Variants in HECTD4 observed in about 807,000 individuals in gnomAD.
HECTD4 encodes HECT domain E3 ubiquitin protein ligase 4.
Under a neutral mutation model 471.5 loss-of-function variants are expected in HECTD4, and 114 were observed. The ratio of observed to expected loss-of-function variants is 0.24; its 90% CI spans 0.21 to 0.28. The LOEUF (loss-of-function observed/expected upper bound fraction) is 0.28, where lower values mean the gene tolerates loss of function less well. Among genes scored for constraint, HECTD4 ranks in the 10% least tolerant of loss-of-function variants. The pLI, the probability that HECTD4 is intolerant of heterozygous loss-of-function variation, is 1.00. For missense variants in HECTD4, 3,866 were observed against 5,651.5 expected, an observed-to-expected ratio of 0.68 and a Z score of 10.13; for synonymous variants, 2,012 against 2,256.0, an observed-to-expected ratio of 0.89 and a Z score of 3.07.
At chr12:112,164,320 G>C (rs766643313) in intron 72 of HECTD4, 45 bp from the exon 73 acceptor site, 15 of 1,568,822 alleles carry the variant, frequency 9.6e-6, no homozygotes, top group Non-Finnish European at 1.3e-5. Flanking sequence ...GGCCATGGGA[G>C]GTGGAACCCT....
intron 54 of HECTD4, chr12:112,201,122 C>T: frequency 2.2e-6 from 1 of 455,948 alleles, no homozygotes; most frequent in Non-Finnish European, 4.4e-6. Flanking sequence ...GAGATGGAGT[C>T]TCACCGTGTC....
At position 112,180,709 on chromosome 12, in the gene HECTD4, G is replaced by A. The variant is rs77183891; in HGVS notation, c.10988-1312C>T. ...TTCAGTATCTAAGTATGAGAAGACTGGGAAAGATAATCATGGCAGAAAGAC... is the reference window on the plus strand; with the variant it reads ...TTCAGTATCTAAGTATGAGAAGACTAGGAAAGATAATCATGGCAGAAAGAC... On this transcript the variant is annotated intron_variant, in intron 62 of 75. Coordinates refer to ENST00000682272, the MANE Select transcript of HECTD4 (RefSeq NM_001388303.1). 2.8e-3 allele frequency among the ~76,000 whole-genome samples: 429 copies of A among 152,196 alleles called. 1 individual carries two copies. The highest frequency in any genetic ancestry group is 9.6e-3 in the African/African-American group (398 of 41,534).
chr12:112,187,684 TG>T (rs1165047108), intron 60 of HECTD4, among the ~76,000 whole-genome samples: 1 of 141,166 alleles, frequency 7.1e-6, no homozygotes, highest in Non-Finnish European at 1.5e-5. Flanking sequence ...TGGAGTGCCG[TG>T]GTGCCATCTC....
intron 67 of HECTD4, among the ~76,000 whole-genome samples, chr12:112,172,114 G>A (rs1358185072): frequency 6.6e-6 from 1 of 152,128 alleles, no homozygotes; most frequent in Non-Finnish European, 1.5e-5. Context: ...TGTTGGTCAG[G>A]CTAGTCTCAA....
intron 29 of HECTD4, among the ~76,000 whole-genome samples, chr12:112,245,679 G>A (rs116753868): frequency 0.012 from 1,871 of 152,332 alleles, 43 homozygotes; most frequent in African/African-American, 0.043. Context: ...GGGCAATGGG[G>A]CTACGTAACA....
chr12:112,238,868 T>A (rs1042060261), intron 34 of HECTD4, among the ~76,000 whole-genome samples, 184 bp downstream of exon 34: 1 of 152,214 alleles, frequency 6.6e-6, no homozygotes, highest in Non-Finnish European at 1.5e-5. Flanking sequence ...CTCATCGTAA[T>A]GCTGTAAGTT....
intron 1 of HECTD4, among the ~76,000 whole-genome samples, chr12:112,347,552 T>C (rs1401108447): frequency 1.3e-5 from 2 of 152,066 alleles, no homozygotes; most frequent in Non-Finnish European, 2.9e-5. Flanking sequence ...GACTCCCGGA[T>C]TGGGAAGAAC....
At chr12:112,316,544 T>C (rs889788093) in intron 2 of HECTD4, among the ~76,000 whole-genome samples, 1 of 151,778 alleles carries the variant, frequency 6.6e-6, no homozygotes, top group Non-Finnish European at 1.5e-5. Context: ...AAGTGAGCAA[T>C]AAGGTTTTGC....
chr12:112,218,940 GC>G (rs1681909517), intron 45 of HECTD4, among the ~76,000 whole-genome samples: 1 of 152,050 alleles, frequency 6.6e-6, no homozygotes, highest in South Asian at 2.1e-4. Context: ...CAACATGTTG[GC>G]CAGGCTGGTC....
intron 44 of HECTD4, among the ~76,000 whole-genome samples, chr12:112,220,478 G>A (rs560200539): frequency 2.6e-5 from 4 of 152,136 alleles, no homozygotes; most frequent in Admixed American, 2.0e-4. Flanking sequence ...CATCCAGAAA[G>A]GCTTAATGAA....
At chr12:112,320,340 T>C (rs1374005375) in intron 1 of HECTD4, among the ~76,000 whole-genome samples, 1 of 150,536 alleles carries the variant, frequency 6.6e-6, no homozygotes, top group Non-Finnish European at 1.5e-5. Context: ...TCTCAAAAAA[T>C]AATACTACAA....
intron 2 of HECTD4, among the ~76,000 whole-genome samples, chr12:112,318,350 T>G (rs773376954): frequency 1.3e-5 from 2 of 152,018 alleles, no homozygotes; most frequent in Non-Finnish European, 2.9e-5. Flanking sequence ...AGTGGGTTGA[T>G]GACTTGCACA....
At chr12:112,189,663 A>G (rs1467696434) in intron 60 of HECTD4, among the ~76,000 whole-genome samples, 1 of 151,108 alleles carries the variant, frequency 6.6e-6, no homozygotes, top group Admixed American at 6.6e-5. Flanking sequence ...CCTCCAGCTC[A>G]CCAAAGTCCC....
At chr12:112,289,361 A>G (rs2034826967) in intron 7 of HECTD4, among the ~76,000 whole-genome samples, 2 of 152,190 alleles carry the variant, frequency 1.3e-5, no homozygotes, top group South Asian at 4.1e-4. Context: ...ACAACTAGTT[A>G]TCTAATTCCA....
At chr12:112,333,513 A>G (rs2035883625) in intron 1 of HECTD4, among the ~76,000 whole-genome samples, 1 of 152,176 alleles carries the variant, frequency 6.6e-6, no homozygotes, top group Admixed American at 6.5e-5. Context: ...TTTAGAAAAA[A>G]AATTATCCAT....
At chr12:112,269,599 G>A in intron 13 of HECTD4, 105 bp downstream of exon 13, 1 of 1,217,842 alleles carries the variant, frequency 8.2e-7, no homozygotes, top group Admixed American at 2.3e-5. Context: ...CCCAATTGTG[G>A]GATGGGGTAA....
intron 34 of HECTD4, 148 bp downstream of exon 34, chr12:112,238,904 T>C (rs1217912290): frequency 1.4e-6 from 1 of 711,470 alleles, no homozygotes; most frequent in Non-Finnish European, 2.2e-6. Flanking sequence ...TGAGGAAAAG[T>C]CTCTCATGAA....
chr12:112,283,628 C>A (rs1022598386), intron 7 of HECTD4, among the ~76,000 whole-genome samples: 2 of 152,156 alleles, frequency 1.3e-5, no homozygotes, highest in Admixed American at 1.3e-4. Flanking sequence ...GAGAGGAAAA[C>A]AAATCAATCA....
At chr12:112,365,767 T>G (rs557825215) in intron 1 of HECTD4, among the ~76,000 whole-genome samples, 15 of 116,894 alleles carry the variant, frequency 1.3e-4, no homozygotes, top group Middle Eastern at 5.3e-3. Flanking sequence ...TTGTGTTTTT[T>G]TTTTGTTTTT....
Sources: gnomAD v4.1 joint callset for allele counts (sites outside exome capture counted in the v4.1 genomes callset) on GRCh38, gnomAD v4.1.1 for gene constraint, MANE v1.5 for transcripts, NCBI Gene and HGNC (gene_info 2026-07-23, HGNC 2026-07-21) for gene names.